The following RIN2 variants were observed in gnomAD, a reference collection of about 807,000 sequenced individuals.
RIN2 encodes RAB5 interacting protein 2.
In RIN2, 36 loss-of-function variants were observed where a neutral mutation model predicts 78.0. That is an observed-to-expected ratio of 0.46 (90% CI 0.35 to 0.61). The LOEUF (loss-of-function observed/expected upper bound fraction) is 0.61, where lower values mean the gene tolerates loss of function less well. Among genes scored for constraint, RIN2 ranks in the 20% least tolerant of loss-of-function variants. The probability of loss-of-function intolerance (pLI) is 0.00; values close to 1 mark genes in which losing one functional copy is unlikely to be tolerated. For synonymous variants in RIN2, 466 were observed against 466.8 expected (o/e 1.00, Z 0.02); for missense variants, 1,087 against 1,159.7 (o/e 0.94, Z 0.91).
intron 1 of RIN2, among the ~76,000 whole-genome samples, chr20:19,767,762 T>C (rs950037286): frequency 4.0e-5 from 6 of 151,652 alleles, no homozygotes; most frequent in Non-Finnish European, 8.8e-5. Context: ...CTGTCTCTAC[T>C]AAAAATACAA....
At chr20:19,908,432 A>T (rs2039314180) in intron 3 of RIN2, among the ~76,000 whole-genome samples, 5 of 150,548 alleles carry the variant, frequency 3.3e-5, no homozygotes. Flanking sequence ...CGGAGCGTGC[A>T]TTGAGCTGAG....
intron 3 of RIN2, among the ~76,000 whole-genome samples, chr20:19,914,740 G>A (rs777314174): frequency 1.3e-5 from 2 of 152,136 alleles, no homozygotes; most frequent in African/African-American, 2.4e-5. Flanking sequence ...CAGGCCCTAC[G>A]GAATGCCTCT....
intron 2 of RIN2, among the ~76,000 whole-genome samples, chr20:19,884,956 C>T (rs1375209996): frequency 6.6e-6 from 1 of 152,166 alleles, no homozygotes; most frequent in African/African-American, 2.4e-5. Context: ...GTCAATTTGG[C>T]TGTAAAATAA....
intron 4 of RIN2, among the ~76,000 whole-genome samples, chr20:19,950,276 A>G (rs954670650): frequency 6.6e-6 from 1 of 152,198 alleles, no homozygotes; most frequent in African/African-American, 2.4e-5. Context: ...TTGTATTCAC[A>G]TGTGGGTCTC....
At chr20:19,943,238 C>T (rs901668733) in intron 4 of RIN2, among the ~76,000 whole-genome samples, 1 of 152,202 alleles carries the variant, frequency 6.6e-6, no homozygotes, top group Admixed American at 6.5e-5. Flanking sequence ...CTGTATCTGG[C>T]CTTCTCATCT....
At chr20:19,883,820 C>A (rs2038098694) in intron 2 of RIN2, among the ~76,000 whole-genome samples, 1 of 151,180 alleles carries the variant, frequency 6.6e-6, no homozygotes, top group African/African-American at 2.4e-5. Context: ...CCAGAATTAA[C>A]CCCATTTACA....
chr20:19,867,379 G>C (rs1311577860), intron 2 of RIN2, among the ~76,000 whole-genome samples: 1 of 152,088 alleles, frequency 6.6e-6, no homozygotes, highest in African/African-American at 2.4e-5. Context: ...TTAATCTGTT[G>C]CCCATATTTC....
intron 2 of RIN2, among the ~76,000 whole-genome samples, chr20:19,861,383 G>A (rs1433382474): frequency 2.0e-5 from 3 of 152,194 alleles, no homozygotes; most frequent in Admixed American, 6.5e-5. Flanking sequence ...TTGGCTTGAC[G>A]AAACTTTAGT....
At chr20:19,809,393 C>T (rs2035516420) in intron 2 of RIN2, 1 of 152,678 alleles carries the variant, frequency 6.5e-6, no homozygotes, top group Non-Finnish European at 1.5e-5. Flanking sequence ...CCTGCATCTG[C>T]TGGAGGATGG....
At chr20:19,799,474 C>T (rs2035173720) in intron 1 of RIN2, 148 bp from the exon 2 acceptor site, 1 of 152,082 alleles carries the variant, frequency 6.6e-6, no homozygotes, top group Admixed American at 6.5e-5. Context: ...GGTGGAGGAC[C>T]AGGAATGGGA....
intron 2 of RIN2, among the ~76,000 whole-genome samples, chr20:19,808,753 T>G (rs759448165): frequency 4.6e-5 from 7 of 152,204 alleles, no homozygotes; most frequent in Non-Finnish European, 1.0e-4. Context: ...TCTACTCAGC[T>G]GCTGCTGGCC....
At chr20:19,920,811 G>T (rs1353035238) in intron 3 of RIN2, among the ~76,000 whole-genome samples, 1 of 152,144 alleles carries the variant, frequency 6.6e-6, no homozygotes, top group Non-Finnish European at 1.5e-5. Context: ...GAGTAGCTGG[G>T]ACTACAGGTG....
chr20:19,917,621 T>G (rs920746990), intron 3 of RIN2, among the ~76,000 whole-genome samples: 29 of 152,242 alleles, frequency 1.9e-4, no homozygotes, highest in African/African-American at 7.0e-4. Context: ...AATCCATACA[T>G]AAGTGCAGCC....
intron 3 of RIN2, among the ~76,000 whole-genome samples, chr20:19,919,480 A>G (rs976411997): frequency 6.6e-6 from 1 of 152,186 alleles, no homozygotes; most frequent in Admixed American, 6.5e-5. Context: ...TTGATACTAT[A>G]TAAAATAAGA....
intron 1 of RIN2, among the ~76,000 whole-genome samples, chr20:19,790,119 T>G (rs1024632161): frequency 6.6e-6 from 1 of 152,196 alleles, no homozygotes; most frequent in African/African-American, 2.4e-5. Flanking sequence ...ATCATTTCCC[T>G]CGTTGCAGAT....
At position 19,886,705 on chromosome 20, in the gene RIN2, C is replaced by T. The variant is rs563570291; in HGVS notation, c.-36-2861C>T. ...CATTTTCTCAAGAATCCACTTTACC[C>T]TTCAGGGAAGCCAGGAAAAGAACAA... On this transcript the variant is annotated intron_variant, in intron 2 of 12. Coordinates refer to ENST00000255006, the MANE Select transcript of RIN2 (RefSeq NM_018993.4). 27 of 1,548,152 alleles carry T rather than the reference C, an allele frequency of 1.7e-5. No homozygotes were observed. In the East Asian group the frequency reaches 6.1e-4, roughly 35 times the overall value.
chr20:19,958,281 C>G (rs2041620678), intron 5 of RIN2, among the ~76,000 whole-genome samples: 1 of 152,258 alleles, frequency 6.6e-6, no homozygotes. Context: ...TCTATAGGAT[C>G]AGGATTTCCT....
At chr20:19,808,590 T>C (rs2035487607) in intron 2 of RIN2, among the ~76,000 whole-genome samples, 1 of 152,216 alleles carries the variant, frequency 6.6e-6, no homozygotes, top group Admixed American at 6.5e-5. Flanking sequence ...CCCAGTCCAA[T>C]GGATGGTCTA....
intron 1 of RIN2, among the ~76,000 whole-genome samples, chr20:19,794,294 G>A (rs1363525109): frequency 2.0e-5 from 3 of 152,162 alleles, no homozygotes; most frequent in Non-Finnish European, 4.4e-5. Context: ...AGTAGCTCAC[G>A]TCTGTAATCC....
Sources: allele counts gnomAD v4.1 joint callset (sites outside exome capture counted in the v4.1 genomes callset), GRCh38; gene constraint gnomAD v4.1.1; transcripts MANE v1.5; gene names NCBI Gene and HGNC (gene_info 2026-07-23, HGNC 2026-07-21).